The following SPAST variants were observed in gnomAD, a reference collection of about 807,000 sequenced individuals.
SPAST encodes spastic paraplegia 4 (autosomal dominant; spastin).
A neutral mutation model predicts 76.6 loss-of-function variants in SPAST; 30 were observed. That is an observed-to-expected ratio of 0.39 (90% CI 0.29 to 0.53). The LOEUF (loss-of-function observed/expected upper bound fraction) is 0.53, where lower values mean the gene tolerates loss of function less well. Ranked by LOEUF, SPAST falls within the 20% of genes least tolerant of loss-of-function variation. The pLI, the probability that SPAST is intolerant of heterozygous loss-of-function variation, is 0.68. For synonymous variants in SPAST, 305 were observed against 281.0 expected (o/e 1.09, Z -0.86); for missense variants, 717 against 770.5 (o/e 0.93, Z 0.82).
intron 1 of SPAST, among the ~76,000 whole-genome samples, chr2:32,075,803 C>A (rs1429959866): frequency 6.9e-6 from 1 of 145,482 alleles, no homozygotes; most frequent in East Asian, 2.1e-4. Context: ...ATCCCCCCTC[C>A]TTGGCCTCCC....
chr2:32,071,627 C>T (rs1030942920), intron 1 of SPAST, among the ~76,000 whole-genome samples: 2 of 152,086 alleles, frequency 1.3e-5, no homozygotes, highest in African/African-American at 4.8e-5. Context: ...GTAAGATGTA[C>T]ATTGGTTCCA....
At chr2:32,107,176 C>G (rs1678355717) in intron 4 of SPAST, among the ~76,000 whole-genome samples, 1 of 152,102 alleles carries the variant, frequency 6.6e-6, no homozygotes, top group South Asian at 2.1e-4. Context: ...TATTTCATAT[C>G]CCTAGTACAA....
intron 4 of SPAST, among the ~76,000 whole-genome samples, chr2:32,106,793 C>G (rs936131313): frequency 2.6e-5 from 4 of 151,684 alleles, no homozygotes; most frequent in Non-Finnish European, 5.9e-5. Context: ...CTTCCTCTGT[C>G]TGATTTAAAA....
chr2:32,141,317 T>C (rs2148757752), intron 12 of SPAST, among the ~76,000 whole-genome samples: 1 of 152,362 alleles, frequency 6.6e-6, no homozygotes, highest in South Asian at 2.1e-4. Flanking sequence ...ATTCCTATGC[T>C]ATCAATTAGG....
intron 16 of SPAST, among the ~76,000 whole-genome samples, chr2:32,151,708 G>C (rs1306542814): frequency 1.3e-5 from 2 of 152,172 alleles, no homozygotes; most frequent in African/African-American, 4.8e-5. Flanking sequence ...TCTTGAGTTC[G>C]AGACCAGCCT....
Position 32,065,280 on chromosome 2 carries a change from A to G in SPAST, c.415+1034A>G, listed in dbSNP as rs147662641. 7.2e-3 allele frequency among the ~76,000 whole-genome samples: 1,090 copies of G among 152,138 alleles called. 10 individuals are homozygous for G. Among genetic ancestry groups the G allele is most frequent in the African/African-American group, 0.025 (1,033 of 41,506 alleles). ...TGATCGGGTCGCCTCGGCCTCCCAA[A>G]GTGCTGGTAATACAGGCATGAGCCA... On this transcript the variant is annotated intron_variant, in intron 1 of 16. Coordinates refer to ENST00000315285, the MANE Select transcript of SPAST (RefSeq NM_014946.4).
At chr2:32,088,723 TAATTA>T (rs1430945588) in intron 2 of SPAST, among the ~76,000 whole-genome samples, 1 of 152,172 alleles carries the variant, frequency 6.6e-6, no homozygotes, top group African/African-American at 2.4e-5. Flanking sequence ...AAAAACAATT[TAATTA>T]AAGTATGATA....
intron 1 of SPAST, among the ~76,000 whole-genome samples, chr2:32,072,153 C>T (rs1676776158): frequency 6.6e-6 from 1 of 152,174 alleles, no homozygotes; most frequent in Non-Finnish European, 1.5e-5. Context: ...CGCCGTTCTC[C>T]TGCCTCAGCC....
chr2:32,101,820 T>A (rs1478066561), intron 4 of SPAST, among the ~76,000 whole-genome samples: 1 of 152,224 alleles, frequency 6.6e-6, no homozygotes, highest in Non-Finnish European at 1.5e-5. Context: ...CTCTGTTCTG[T>A]TCCATTGGTC....
chr2:32,114,895 C>G, intron 5 of SPAST, 70 bp downstream of exon 5: 1 of 1,095,542 alleles, frequency 9.1e-7, no homozygotes, highest in Admixed American at 1.7e-5. Flanking sequence ...ACTATTCCTG[C>G]TTAAGTTGAT....
At chr2:32,131,925 G>A (rs1482461943) in intron 9 of SPAST, among the ~76,000 whole-genome samples, 2 of 151,836 alleles carry the variant, frequency 1.3e-5, no homozygotes, top group Non-Finnish European at 1.5e-5. Flanking sequence ...CTCCCAAAGT[G>A]CTGGATTATA....
chr2:32,117,475 AT>A (rs1678879567), intron 7 of SPAST, among the ~76,000 whole-genome samples: 1 of 150,688 alleles, frequency 6.6e-6, no homozygotes, highest in Non-Finnish European at 1.5e-5. Flanking sequence ...TTTTTTAATT[AT>A]TTTTAAAAAG....
chr2:32,067,050 C>G (rs1389045618), intron 1 of SPAST, among the ~76,000 whole-genome samples: 1 of 147,122 alleles, frequency 6.8e-6, no homozygotes, highest in East Asian at 2.0e-4. Flanking sequence ...TCAGAACATG[C>G]AAGGAAATTT....
chr2:32,070,747 A>G (rs1478242143), intron 1 of SPAST, among the ~76,000 whole-genome samples: 1 of 152,168 alleles, frequency 6.6e-6, no homozygotes, highest in Non-Finnish European at 1.5e-5. Flanking sequence ...CACCCACCTC[A>G]GCCTCCCTAG....
intron 3 of SPAST, among the ~76,000 whole-genome samples, chr2:32,092,233 G>A (rs1677751563): frequency 6.6e-6 from 1 of 152,134 alleles, no homozygotes; most frequent in South Asian, 2.1e-4. Context: ...TGGCTGACAG[G>A]ATTTGCCTTC....
chr2:32,066,811 G>C (rs1434912397), intron 1 of SPAST, among the ~76,000 whole-genome samples: 1 of 151,636 alleles, frequency 6.6e-6, no homozygotes, highest in African/African-American at 2.4e-5. Context: ...CTGTCTTTGT[G>C]AAAAATACAA....
Position 32,137,181 on chromosome 2 carries a change from G to T in SPAST, c.1486G>T (p.Val496Phe). ...TAGGCCACAAGAGCTTGATGAGGCT[G>T]TTCTCAGGTAGGGAGATTTATATGG... ...TNRPQELDEA[V>F]LRRFIKRVYV... The change falls in exon 12 of 17, where the codon GTT (valine) becomes TTT (phenylalanine). Residue 496 changes from valine (V) to phenylalanine (F), a missense_variant. Physicochemically the swap from Val to Phe is conservative, Grantham distance 50. Coordinates refer to ENST00000315285, the MANE Select transcript of SPAST (RefSeq NM_014946.4). 6.2e-7 allele frequency: 1 copy of T among 1,610,508 alleles called. No homozygotes were observed. The highest frequency in any genetic ancestry group is 1.1e-5 in the South Asian group (1 of 91,018).
chr2:32,153,841 C>G (rs1680166183), intron 16 of SPAST, among the ~76,000 whole-genome samples: 1 of 152,086 alleles, frequency 6.6e-6, no homozygotes, highest in African/African-American at 2.4e-5. Flanking sequence ...CTTTGGGAGG[C>G]CAAGGTGGGC....
intron 4 of SPAST, among the ~76,000 whole-genome samples, chr2:32,106,230 C>T (rs1306083536): frequency 2.0e-5 from 3 of 152,156 alleles, no homozygotes; most frequent in Non-Finnish European, 2.9e-5. Flanking sequence ...TAGCAGTGAG[C>T]GAGGTTCCGT....
Sources: gnomAD v4.1 joint callset for allele counts (sites outside exome capture counted in the v4.1 genomes callset) on GRCh38, gnomAD v4.1.1 for gene constraint, MANE v1.5 for transcripts, NCBI Gene and HGNC (gene_info 2026-07-23, HGNC 2026-07-21) for gene names.